The following SVEP1 variants were observed in gnomAD, a reference collection of about 807,000 sequenced individuals.
The protein encoded by SVEP1 is sushi, von Willebrand factor type A, EGF and pentraxin domain containing 1, also known as sushi, von Willebrand factor type A, EGF and pentraxin domain-containing protein 1.
In SVEP1, 164 loss-of-function variants were observed where a neutral mutation model predicts 367.3. The ratio of observed to expected loss-of-function variants is 0.45; its 90% CI spans 0.39 to 0.51. The LOEUF (loss-of-function observed/expected upper bound fraction) is 0.51, where lower values mean the gene tolerates loss of function less well. Among genes scored for constraint, SVEP1 ranks in the 20% least tolerant of loss-of-function variants. SVEP1 has a pLI of 0.00. For synonymous variants in SVEP1, 1,666 were observed against 1,611.6 expected, an observed-to-expected ratio of 1.03 and a Z score of -0.81; for missense variants, 4,117 against 4,425.3, an observed-to-expected ratio of 0.93 and a Z score of 1.98.
In SVEP1 at chr9:110,379,657, A is replaced by T. The variant is rs568559329; in HGVS notation, c.10238-140T>A. On this transcript the variant is annotated intron_variant, in intron 43 of 47. Transcript: ENST00000374469. ...TCACCTACTTATCTAGAATAGTAAG[A>T]ACTAAAAGAATTAACTGCTGCTGTT... 1.9e-4 allele frequency: 165 copies of T among 867,204 alleles called. No homozygotes were observed. In the African/African-American group the frequency reaches 2.5e-3, roughly 13 times the overall value. The allele number at this position is 867,204 out of a possible 1,614,324, so 53.7% of individuals were successfully genotyped here.
chr9:110,429,263 G>C lies in SVEP1; in HGVS notation c.5687C>G (p.Ser1896Cys), dbSNP rs192328295. 93 of 1,596,660 alleles carry C rather than the reference G, an allele frequency of 5.8e-5. No homozygotes were observed. The highest frequency in any genetic ancestry group is 7.0e-5 in the Non-Finnish European group (82 of 1,171,088). ...CTTCACTGGTTCACACACAGGAGGG[G>C]AATGACTCCAAGAACTGTTAGCAAG... ...SCLANSSWSH[S>C]PPVCEPVKCS... The change falls in exon 35 of 48, where the codon TCC (serine) becomes TGC (cysteine). Residue 1896 changes from serine (S) to cysteine (C), a missense_variant. This residue lies in a region of SVEP1 where 2,174 missense variants were observed against 2,494.3 expected (regional missense o/e 0.87). Coordinates refer to ENST00000374469, the MANE Select transcript of SVEP1 (RefSeq NM_153366.4).
chr9:110,438,487 G>A (rs1209266529), intron 27 of SVEP1, among the ~76,000 whole-genome samples: 1 of 152,090 alleles, frequency 6.6e-6, no homozygotes, highest in African/African-American at 2.4e-5. Context: ...TTACAGATGT[G>A]AGCTACCACG....
intron 3 of SVEP1, among the ~76,000 whole-genome samples, chr9:110,533,117 T>C (rs1323093035): frequency 6.6e-6 from 1 of 152,062 alleles, no homozygotes; most frequent in Non-Finnish European, 1.5e-5. Flanking sequence ...GAGGCAGAGC[T>C]CAGGCGGTAA....
chr9:110,565,834 G>C (rs1259333018), intron 1 of SVEP1, among the ~76,000 whole-genome samples: 2 of 151,896 alleles, frequency 1.3e-5, no homozygotes, highest in Non-Finnish European at 2.9e-5. Context: ...ATGTATCAGT[G>C]TGTCTTGCAT....
chr9:110,577,774 A>G (rs948680616), intron 1 of SVEP1, among the ~76,000 whole-genome samples: 4 of 152,144 alleles, frequency 2.6e-5, no homozygotes, highest in African/African-American at 9.6e-5. Flanking sequence ...GTTAAGAAAA[A>G]ACAAACAAGC....
At chr9:110,395,356 TA>T (rs1420811220) in intron 40 of SVEP1, among the ~76,000 whole-genome samples, 6 of 152,138 alleles carry the variant, frequency 3.9e-5, no homozygotes, top group Admixed American at 2.6e-4. Context: ...AAGGAAGCAC[TA>T]AACATGGAAA....
intron 1 of SVEP1, among the ~76,000 whole-genome samples, chr9:110,577,743 GA>G (rs773196358): frequency 1.6e-4 from 23 of 147,740 alleles, no homozygotes; most frequent in Non-Finnish European, 2.6e-4. Flanking sequence ...AAATCATTAA[GA>G]AAAAAAAACA....
intron 5 of SVEP1, 137 bp from the exon 6 acceptor site, chr9:110,503,354 A>G (rs1829570638): frequency 1.2e-6 from 1 of 803,610 alleles, no homozygotes; most frequent in South Asian, 1.9e-5. Flanking sequence ...ATAATACACC[A>G]CCATTTTTTG....
chr9:110,386,963 CCAG>C (rs1827533759), intron 42 of SVEP1, among the ~76,000 whole-genome samples: 1 of 79,510 alleles, frequency 1.3e-5, no homozygotes, highest in African/African-American at 3.7e-5. Context: ...TTCCCTATCC[CCAG>C]TAGAATTCAT....
intron 44 of SVEP1, 113 bp from the exon 45 acceptor site, chr9:110,377,479 AAG>A (rs1345495263): frequency 2.2e-6 from 2 of 914,672 alleles, no homozygotes; most frequent in South Asian, 1.9e-5. Flanking sequence ...AGCTTTCAGG[AAG>A]AGAGACAAAA....
Position 110,375,457 on chromosome 9 carries a change from C to T in SVEP1, c.10511G>A (p.Cys3504Tyr), listed in dbSNP as rs1827336370. The stretch of plus-strand genomic sequence containing the variant: ...ACCTCCGTTCAGACAGGGAAGAATG[C>T]AGATTGCTAAAAAAAAAAAAAAAAA... ...WMGRLCEEPI[C>Y]ILPCLNGGRC... The change falls in exon 46 of 48, where the codon TGC becomes TAC. Residue 3504 changes from cysteine to tyrosine, a missense_variant. Physicochemically the swap from Cys to Tyr is radical, Grantham distance 194 (BLOSUM62 -2). Transcript: ENST00000374469. The T allele has an allele frequency of 3.9e-6, 2 of 512,584 alleles. No homozygotes were observed. The highest frequency in any genetic ancestry group is 4.6e-5 in the Admixed American group (1 of 21,556). The allele number at this position is 512,584 out of a possible 1,614,324, so 31.8% of individuals were successfully genotyped here.
intron 18 of SVEP1, among the ~76,000 whole-genome samples, chr9:110,461,936 T>G (rs1482911137): frequency 1.3e-5 from 2 of 152,116 alleles, no homozygotes; most frequent in Non-Finnish European, 2.9e-5. Context: ...TTGCTTAGCT[T>G]AAAATGGGTT....
intron 17 of SVEP1, among the ~76,000 whole-genome samples, chr9:110,468,296 A>G (rs1294657133): frequency 6.6e-6 from 1 of 152,156 alleles, no homozygotes; most frequent in Non-Finnish European, 1.5e-5. Flanking sequence ...AAAAATAAAT[A>G]AAATTGCTTT....
rs769905346 is a variant in SVEP1 at position 110,579,370 on chromosome 9, C to A, written c.174G>T (p.Gly58=). ...APPAPGDEAA[G]SRVERLGQAF... ...CCTGGCCCAGCCGCTCCACTCTGCTCCCCGCCGCTTCGTCGCCAGGAGCGG... is the reference window on the plus strand; with the variant it reads ...CCTGGCCCAGCCGCTCCACTCTGCTACCCGCCGCTTCGTCGCCAGGAGCGG... The change falls in exon 1 of 48, where the codon GGG becomes GGT. Residue 58 remains glycine (G), a synonymous_variant. Coordinates refer to ENST00000374469, the MANE Select transcript of SVEP1 (RefSeq NM_153366.4). The surrounding 1 kb of genome is among the most constrained non-coding windows in gnomAD (Gnocchi z 5.3). 1.9e-6 allele frequency: 3 copies of A among 1,560,194 alleles called. No individual in the cohort carries two copies.
chr9:110,518,253 T>C (rs538561627), intron 3 of SVEP1, among the ~76,000 whole-genome samples: 12 of 151,996 alleles, frequency 7.9e-5, no homozygotes, highest in African/African-American at 2.9e-4. Flanking sequence ...TGAAACCCCG[T>C]CTCTACTAAA....
In SVEP1 at chr9:110,579,687, A is replaced by G; in HGVS notation, c.-144T>C. 1 of 997,008 alleles carries G rather than the reference A, an allele frequency of 1.0e-6. No homozygotes were observed. Among genetic ancestry groups the G allele is most frequent in the Non-Finnish European group, 1.4e-6 (1 of 724,018 alleles). 61.8% of individuals were successfully genotyped at this position (997,008 alleles called of 1,614,324 possible). On this transcript the variant is annotated 5_prime_UTR_variant, in exon 1 of 48. Coordinates refer to ENST00000374469, the MANE Select transcript of SVEP1 (RefSeq NM_153366.4). This position sits in a 1 kb window ranked among gnomAD's most constrained non-coding sequence, Gnocchi z 5.3. ...GAGCCTCAGCGCCCTTTCATCTGACACTGGGGACAGACACAATCCAGACTC... is the reference window on the plus strand; with the variant it reads ...GAGCCTCAGCGCCCTTTCATCTGACGCTGGGGACAGACACAATCCAGACTC...
Position 110,503,196 on chromosome 9 carries a change from C to T in SVEP1, c.1325G>A (p.Arg442His), listed in dbSNP as rs750912207. 1.8e-5 allele frequency: 29 copies of T among 1,612,114 alleles called. No homozygotes were observed. The highest frequency in any genetic ancestry group is 3.3e-5 in the South Asian group (3 of 90,774). Residue 442 changes from arginine (R) to histidine (H), a missense_variant, in exon 6 of 48, where the codon CGC (arginine) becomes CAC (histidine). Coordinates refer to ENST00000374469, the MANE Select transcript of SVEP1 (RefSeq NM_153366.4). Reference sequence around the variant, plus strand: ...GCTGATGTGGCCATGTTTCGGCTGGCGGAGATGAGGACATGTTCTTACTAT... The same window carrying T: ...GCTGATGTGGCCATGTTTCGGCTGGTGGAGATGAGGACATGTTCTTACTAT... ...YCRVRTCPHL[R>H]QPKHGHISCS...
chr9:110,501,477 G>A (rs994564543), intron 6 of SVEP1, among the ~76,000 whole-genome samples: 9 of 150,836 alleles, frequency 6.0e-5, no homozygotes, highest in East Asian at 3.9e-4. Flanking sequence ...ATGAGCTCTC[G>A]TTGATTAGTA....
chr9:110,470,199 G>A (rs973696575), intron 16 of SVEP1, among the ~76,000 whole-genome samples: 1 of 152,146 alleles, frequency 6.6e-6, no homozygotes, highest in Non-Finnish European at 1.5e-5. Context: ...TTTGGAGTGG[G>A]GAGGGAGAAT....
Sources: allele counts gnomAD v4.1 joint callset (sites outside exome capture counted in the v4.1 genomes callset), GRCh38; gene constraint gnomAD v4.1.1; regional missense constraint gnomAD v4.1.1; non-coding constraint Gnocchi (gnomAD v3.1); transcripts MANE v1.5; gene names NCBI Gene and HGNC (gene_info 2026-07-23, HGNC 2026-07-21).